PTPRD: variants seen among roughly 807,000 people sequenced by gnomAD.
PTPRD encodes the protein receptor-type tyrosine-protein phosphatase delta.
A neutral mutation model predicts 214.5 loss-of-function variants in PTPRD; 34 were observed. That is an observed-to-expected ratio of 0.16 (90% CI 0.12 to 0.21). The LOEUF (loss-of-function observed/expected upper bound fraction) is 0.21. PTPRD is among the 10% of genes least tolerant of loss of function. PTPRD has a pLI of 1.00. For missense variants in PTPRD, 2,545 were observed against 2,398.7 expected, an observed-to-expected ratio of 1.06 and a Z score of -1.27; for synonymous variants, 1,128 against 845.7, an observed-to-expected ratio of 1.33 and a Z score of -5.79.
At chr9:10,024,641 T>C (rs1415476142) in intron 4 of PTPRD, among the ~76,000 whole-genome samples, 1 of 151,930 alleles carries the variant, frequency 6.6e-6, no homozygotes, top group Non-Finnish European at 1.5e-5. Context: ...AATTTTATTA[T>C]TATTATACTT....
chr9:8,938,427 G>C (rs1223827938), intron 11 of PTPRD, among the ~76,000 whole-genome samples: 1 of 152,114 alleles, frequency 6.6e-6, no homozygotes, highest in Non-Finnish European at 1.5e-5. Context: ...AATAAATATA[G>C]CAATCATACG....
At chr9:8,969,236 T>G (rs2099220936) in intron 11 of PTPRD, among the ~76,000 whole-genome samples, 1 of 152,090 alleles carries the variant, frequency 6.6e-6, no homozygotes, top group Non-Finnish European at 1.5e-5. Context: ...TGCCAAGTGT[T>G]GGCAGGGTTA....
chr9:9,757,149 T>TAA (rs1443393438), intron 6 of PTPRD, among the ~76,000 whole-genome samples: 1 of 152,212 alleles, frequency 6.6e-6, no homozygotes, highest in Non-Finnish European at 1.5e-5. Context: ...ATTCCCTTTA[T>TAA]GACCATTCCT....
At chr9:9,292,773 G>C (rs1370088711) in intron 9 of PTPRD, among the ~76,000 whole-genome samples, 2 of 151,302 alleles carry the variant, frequency 1.3e-5, no homozygotes, top group South Asian at 2.1e-4. Context: ...TGTTTTTGAA[G>C]ATCTTGACAG....
chr9:10,573,663 C>G (rs940120362), intron 2 of PTPRD, among the ~76,000 whole-genome samples: 3 of 152,070 alleles, frequency 2.0e-5, no homozygotes, highest in African/African-American at 7.2e-5. Context: ...CTGCACGGGG[C>G]TACAGCGCAC....
chr9:9,829,787 G>T (rs973785148), intron 5 of PTPRD, among the ~76,000 whole-genome samples: 3 of 151,742 alleles, frequency 2.0e-5, no homozygotes, highest in Non-Finnish European at 4.4e-5. Flanking sequence ...TTCAACTATA[G>T]AAACCTACAT....
At chr9:10,027,459 G>C (rs1475250455) in intron 4 of PTPRD, among the ~76,000 whole-genome samples, 2 of 152,012 alleles carry the variant, frequency 1.3e-5, no homozygotes, top group Non-Finnish European at 2.9e-5. Context: ...CAGTATTTTG[G>C]GTCTGCTAAG....
intron 36 of PTPRD, among the ~76,000 whole-genome samples, chr9:8,400,567 C>CA (rs1448932822): frequency 6.6e-6 from 1 of 152,062 alleles, no homozygotes; most frequent in Non-Finnish European, 1.5e-5. Context: ...GATTTTTAGG[C>CA]AAAAAGATAA....
At chr9:10,216,131 T>A (rs753457757) in intron 3 of PTPRD, among the ~76,000 whole-genome samples, 2 of 151,932 alleles carry the variant, frequency 1.3e-5, no homozygotes, top group Non-Finnish European at 1.5e-5. Context: ...TGTTGATATC[T>A]TTTTCATTAT....
chr9:10,278,710 G>A (rs552390642), intron 3 of PTPRD, among the ~76,000 whole-genome samples: 1 of 151,762 alleles, frequency 6.6e-6, no homozygotes, highest in South Asian at 2.1e-4. Context: ...ATGCCAATCC[G>A]TAAGTTTGAA....
intron 8 of PTPRD, among the ~76,000 whole-genome samples, chr9:9,486,632 C>G (rs72704691): frequency 1.3e-5 from 2 of 152,156 alleles, no homozygotes; most frequent in Non-Finnish European, 2.9e-5. Flanking sequence ...GTCTTCAAAC[C>G]ATATTCCGTC....
chr9:10,564,168 ATTCTTTTTTTT>A (rs2064907047), intron 2 of PTPRD, among the ~76,000 whole-genome samples: 1 of 11,880 alleles, frequency 8.4e-5, no homozygotes, highest in Non-Finnish European at 1.9e-4. Context: ...ACACTAGGCT[ATTCTTTTTTTT>A]TTTTTTTTTT....
At chr9:8,339,087 T>C in intron 42 of PTPRD, 40 bp from the exon 43 acceptor site, 1 of 1,579,642 alleles carries the variant, frequency 6.3e-7, no homozygotes, top group Non-Finnish European at 8.6e-7. Flanking sequence ...ATGCAAAGTA[T>C]AAAGAACATT....
At chr9:10,555,262 G>A (rs1169920546) in intron 2 of PTPRD, among the ~76,000 whole-genome samples, 1 of 152,122 alleles carries the variant, frequency 6.6e-6, no homozygotes, top group Non-Finnish European at 1.5e-5. Context: ...AAAGTAAGGA[G>A]TATGTTGTGG....
chr9:10,581,010 TG>T (rs2071551680), intron 2 of PTPRD, among the ~76,000 whole-genome samples: 1 of 152,178 alleles, frequency 6.6e-6, no homozygotes, highest in South Asian at 2.1e-4. Context: ...ATTGCAAACC[TG>T]GGATCCTGGC....
intron 8 of PTPRD, among the ~76,000 whole-genome samples, chr9:9,511,205 T>A (rs953077048): frequency 4.0e-5 from 6 of 151,778 alleles, no homozygotes; most frequent in African/African-American, 1.4e-4. Flanking sequence ...TATTTATGAC[T>A]ATGTAGTAAA....
At chr9:10,416,790 G>A (rs1386926093) in intron 2 of PTPRD, among the ~76,000 whole-genome samples, 1 of 151,822 alleles carries the variant, frequency 6.6e-6, no homozygotes, top group African/African-American at 2.4e-5. Context: ...GAAGGTGGGT[G>A]TTTCCATACA....
intron 2 of PTPRD, among the ~76,000 whole-genome samples, chr9:10,518,535 A>T (rs946282778): frequency 4.1e-5 from 6 of 145,874 alleles, no homozygotes; most frequent in African/African-American, 1.3e-4. Flanking sequence ...ATCATTTACA[A>T]TTTTTTTTTT....
At chr9:8,832,154 T>A (rs988906013) in intron 11 of PTPRD, among the ~76,000 whole-genome samples, 5 of 151,648 alleles carry the variant, frequency 3.3e-5, no homozygotes, top group African/African-American at 1.2e-4. Flanking sequence ...TACATATGTC[T>A]GATGACTACC....
Sources: gnomAD v4.1 joint callset for allele counts (sites outside exome capture counted in the v4.1 genomes callset) on GRCh38, gnomAD v4.1.1 for gene constraint, MANE v1.5 for transcripts, NCBI Gene and HGNC (gene_info 2026-07-23, HGNC 2026-07-21) for gene names.